GRIA3: variants seen among roughly 807,000 people sequenced by gnomAD.
The protein encoded by GRIA3 is glutamate ionotropic receptor AMPA type subunit 3, also known as glutamate receptor 3.
Under a neutral mutation model 63.0 loss-of-function variants are expected in GRIA3, and 3 were observed. The ratio of observed to expected loss-of-function variants is 0.05; its 90% confidence interval spans 0.02 to 0.12. The LOEUF is 0.12. GRIA3 is among the 10% of genes least tolerant of loss of function. The pLI, the probability that GRIA3 is intolerant of heterozygous loss-of-function variation, is 1.00. For synonymous variants in GRIA3, 274 were observed against 257.9 expected (o/e 1.06, Z -0.60); for missense variants, 347 against 700.9 (o/e 0.50, Z 5.70).
At chrX:123,331,629 G>T (rs1047469321) in intron 4 of GRIA3, among the ~76,000 whole-genome samples, 1 of 111,566 alleles carries the variant, frequency 9.0e-6, no homozygotes, top group Non-Finnish European at 1.9e-5. Context: ...TTTTATTCCA[G>T]CCCTTACTCT....
At chrX:123,354,470 C>T (rs2045119497) in intron 4 of GRIA3, among the ~76,000 whole-genome samples, 1 of 111,605 alleles carries the variant, frequency 9.0e-6, no homozygotes, top group Non-Finnish European at 1.9e-5. Flanking sequence ...ATCCCATTAA[C>T]CCCATTCCTT....
At position 123,407,699 on chromosome X, in the gene GRIA3, G is replaced by GC. The variant is rs1213404393; in HGVS notation, c.1500+2785_1500+2786insC. On this transcript the variant is annotated intron_variant, in intron 10 of 15. Coordinates refer to ENST00000620443, the MANE Select transcript of GRIA3 (RefSeq NM_007325.5). Reference sequence around the variant, plus strand: ...AACATATGACTTGGTTGCGGGGGGGGGGGGGACGTGGGGACACAAATATTC... The same window carrying GC: ...AACATATGACTTGGTTGCGGGGGGGGCGGGGGACGTGGGGACACAAATATTC... 2.4e-5 allele frequency among the ~76,000 whole-genome samples: 2 copies of GC among 84,188 alleles called. 1 individual carries two copies. The highest frequency in any genetic ancestry group is 4.7e-5 in the Non-Finnish European group (2 of 42,450). The allele number at this position is 84,188 out of a possible 115,157, so 73.1% of individuals were successfully genotyped here.
At chrX:123,278,568 A>G (rs1035063556) in intron 3 of GRIA3, among the ~76,000 whole-genome samples, 2 of 111,869 alleles carry the variant, frequency 1.8e-5, no homozygotes, top group African/African-American at 6.5e-5. Context: ...TCTTACAGTT[A>G]AGTTTTTCAT....
At chrX:123,464,612 G>A (rs959268991) in intron 12 of GRIA3, among the ~76,000 whole-genome samples, 1 of 111,325 alleles carries the variant, frequency 9.0e-6, no homozygotes, top group Non-Finnish European at 1.9e-5. Flanking sequence ...AGTGGGTCCT[G>A]AGCAACATTA....
chrX:123,233,986 G>T (rs1255710805), intron 2 of GRIA3, among the ~76,000 whole-genome samples: 1 of 111,225 alleles, frequency 9.0e-6, no homozygotes, highest in Admixed American at 9.5e-5. Flanking sequence ...GAAAATAATG[G>T]TCCCTGTTTT....
intron 2 of GRIA3, among the ~76,000 whole-genome samples, chrX:123,243,366 G>A (rs1009165194): frequency 2.7e-5 from 3 of 111,780 alleles, no homozygotes; most frequent in Non-Finnish European, 3.8e-5. Flanking sequence ...GGTCCTCCAC[G>A]GTTGGTTCCT....
chrX:123,459,354 G>A (rs2045780567), intron 12 of GRIA3, among the ~76,000 whole-genome samples: 1 of 111,824 alleles, frequency 8.9e-6, no homozygotes, highest in Admixed American at 9.5e-5. Context: ...AGAGACACAA[G>A]GTCTAAGTGG....
intron 2 of GRIA3, among the ~76,000 whole-genome samples, chrX:123,205,431 G>C (rs954998409): frequency 8.9e-6 from 1 of 112,349 alleles, no homozygotes; most frequent in African/African-American, 3.2e-5. Flanking sequence ...AGATTACTGT[G>C]CTTTTAATTT....
chrX:123,192,748 C>T (rs1022220506), intron 2 of GRIA3, among the ~76,000 whole-genome samples: 12 of 111,664 alleles, frequency 1.1e-4, no homozygotes, highest in African/African-American at 3.9e-4. Flanking sequence ...AGAGGAAACA[C>T]AGCTGATAAT....
chrX:123,411,205 C>T (rs1186701191), intron 10 of GRIA3, among the ~76,000 whole-genome samples: 2 of 111,985 alleles, frequency 1.8e-5, no homozygotes, highest in Admixed American at 1.9e-4. Flanking sequence ...GCAACTAGAG[C>T]CCTGTGGTTG....
In GRIA3 at chrX:123,351,181, T is replaced by G. The variant is rs1219579510; in HGVS notation, c.697-3729T>G. On this transcript the variant is annotated intron_variant, in intron 4 of 15. Transcript: ENST00000620443. ...GTAACTGAGGGTACAATTTATGCCT[T>G]GTTCATCTATAACAGATGGAAAGAA... Among the ~76,000 whole-genome samples, 6 of 112,312 alleles carry G rather than the reference T, an allele frequency of 5.3e-5. No individual in the cohort carries two copies. In the East Asian group the frequency reaches 1.7e-3, roughly 32 times the overall value.
intron 5 of GRIA3, among the ~76,000 whole-genome samples, chrX:123,361,628 CGAACTCT>C (rs1489372988): frequency 9.0e-6 from 1 of 111,522 alleles, no homozygotes; most frequent in Non-Finnish European, 1.9e-5. Context: ...CTTAAAGTTG[CGAACTCT>C]GAGACTCCTA....
chrX:123,211,189 T>C (rs1278350484), intron 2 of GRIA3, among the ~76,000 whole-genome samples: 1 of 111,762 alleles, frequency 8.9e-6, no homozygotes, highest in Non-Finnish European at 1.9e-5. Context: ...CAAAAAAATG[T>C]AAAACAACAC....
At chrX:123,264,132 C>T (rs1177657178) in intron 3 of GRIA3, among the ~76,000 whole-genome samples, 1 of 111,791 alleles carries the variant, frequency 8.9e-6, no homozygotes, top group African/African-American at 3.2e-5. Flanking sequence ...GGCAAATGGC[C>T]ACACAGAGTA....
intron 7 of GRIA3, among the ~76,000 whole-genome samples, chrX:123,402,003 A>C (rs1008951935): frequency 2.7e-5 from 3 of 111,666 alleles, no homozygotes; most frequent in African/African-American, 9.8e-5. Context: ...GCCTCTTGCT[A>C]ATTCATAATA....
chrX:123,466,272 ATGT>A (rs1304944693), intron 13 of GRIA3, among the ~76,000 whole-genome samples: 7 of 111,575 alleles, frequency 6.3e-5, no homozygotes, highest in Non-Finnish European at 1.3e-4. Flanking sequence ...GAGTGATGAG[ATGT>A]TGTTCTCTAT....
rs184997787 is a variant in GRIA3 at position 123,421,133 on chromosome X, A to G, written c.1877+3355A>G. 2.2e-3 allele frequency among the ~76,000 whole-genome samples: 245 copies of G among 111,834 alleles called. 2 individuals are homozygous for G. In the Admixed American group the frequency reaches 0.023, roughly 10 times the overall value. On this transcript the variant is annotated intron_variant, in intron 11 of 15. Coordinates refer to ENST00000620443, the MANE Select transcript of GRIA3 (RefSeq NM_007325.5). ...ATAACACTAGCCTAGAGTAACAAAT[A>G]TTATTCTTACTATACTTTTAAGTAA...
chrX:123,362,726 A>AG (rs1556303401), intron 5 of GRIA3, among the ~76,000 whole-genome samples: 9 of 108,727 alleles, frequency 8.3e-5, no homozygotes, highest in South Asian at 8.0e-4. Context: ...AAAAAAAAAA[A>AG]AGAGAGAGAG....
intron 12 of GRIA3, among the ~76,000 whole-genome samples, chrX:123,435,751 G>A (rs184265931): frequency 6.6e-4 from 74 of 112,234 alleles, no homozygotes; most frequent in Middle Eastern, 4.6e-3. Flanking sequence ...TTTCTGACGT[G>A]CTAAGGGTTA....
Sources: allele counts gnomAD v4.1 joint callset (sites outside exome capture counted in the v4.1 genomes callset), GRCh38; gene constraint gnomAD v4.1.1; transcripts MANE v1.5; gene names NCBI Gene and HGNC (gene_info 2026-07-23, HGNC 2026-07-21).